Variants in ZNF124 observed in about 807,000 individuals in gnomAD.
The protein encoded by ZNF124 is zinc finger protein 124.
ZNF124 carries 25 observed loss-of-function variants against 26.6 expected under a neutral mutation model. The observed-to-expected ratio is 0.94, with a 90% CI of 0.68 to 1.31. ZNF124 has a LOEUF of 1.31. Among genes scored for constraint, ZNF124 ranks in the 40% most tolerant of loss-of-function variants. ZNF124 has a pLI of 0.00. For synonymous variants in ZNF124, 129 were observed against 133.3 expected (o/e 0.97, Z 0.22); for missense variants, 444 against 422.2 (o/e 1.05, Z -0.45).
chr1:247,123,763 G>T (rs756249113), exon 4 of ZNF124: 1 of 684,248 alleles, frequency 1.5e-6, no homozygotes, highest in Non-Finnish European at 2.7e-6. Context: ...GCTTGCAGAG[G>T]TGCATGGGCT....
chr1:247,150,807 T>A (rs1672911855), downstream of ZNF124, among the ~76,000 whole-genome samples: 1 of 151,576 alleles, frequency 6.6e-6, no homozygotes, highest in Non-Finnish European at 1.5e-5. Flanking sequence ...TAAATATACA[T>A]CCTCATTTAA....
rs1672578750 is a variant in ZNF124, at chr1:247,139,790, AT to A, written c.219-15920del. Among the ~76,000 whole-genome samples the A allele has an allele frequency of 4.6e-5, 7 of 151,990 alleles. No individual in the cohort carries two copies. In the East Asian group the frequency reaches 1.4e-3, roughly 29 times the overall value. On this transcript the variant is annotated intron_variant, in intron 3 of 3. Coordinates refer to the ZNF124 transcript ENST00000472531. ...CTGGGTATGAAATTCTTGGTTGAAG[AT>A]TTTTTTCTTTAAGAATGTTGAATAT...
chr1:247,133,210 C>T (rs1672410823), intron 3 of ZNF124, among the ~76,000 whole-genome samples: 1 of 151,716 alleles, frequency 6.6e-6, no homozygotes, highest in African/African-American at 2.4e-5. Flanking sequence ...GACTGCCTTA[C>T]TGAAATAAGA....
intron 3 of ZNF124, among the ~76,000 whole-genome samples, chr1:247,143,474 C>G (rs1320501095): frequency 6.6e-6 from 1 of 151,998 alleles, no homozygotes; most frequent in Non-Finnish European, 1.5e-5. Context: ...GAAATCCTGC[C>G]CTCTCTTAAT....
In ZNF124 at chr1:247,139,893, G is replaced by T. The variant is rs190210647; in HGVS notation, c.219-16022C>A. 3.4e-4 allele frequency among the ~76,000 whole-genome samples: 52 copies of T among 152,266 alleles called. 1 individual carries two copies. The highest frequency in any genetic ancestry group is 1.6e-4 in the Non-Finnish European group (11 of 68,026). On this transcript the variant is annotated intron_variant, in intron 3 of 3. Transcript: ENST00000472531. ...TAGCCTGATGGGGTGACCTTTGTAG[G>T]TGACCTGCCCTGTATAGCTGCCTTT...
At chr1:247,166,577 A>G (rs1673791810) in intron 1 of ZNF124, among the ~76,000 whole-genome samples, 1 of 152,236 alleles carries the variant, frequency 6.6e-6, no homozygotes, top group Non-Finnish European at 1.5e-5. Flanking sequence ...ATATACAATA[A>G]GAGTAAAACA....
At position 247,167,825 on chromosome 1, in the gene ZNF124, A is replaced by T. The variant is rs1673868543; in HGVS notation, c.30+4023T>A. 2.0e-5 allele frequency among the ~76,000 whole-genome samples: 3 copies of T among 152,226 alleles called. No homozygotes were observed. In the East Asian group the frequency reaches 5.8e-4, roughly 29 times the overall value. On this transcript the variant is annotated intron_variant, in intron 1 of 3. Coordinates refer to ENST00000543802, the MANE Select transcript of ZNF124 (RefSeq NM_001297568.2). ...ATCTTCACCAACTATGCATCCTACAAAGGACTAATATCCAGAATTCACAAA... is the reference window on the plus strand; with the variant it reads ...ATCTTCACCAACTATGCATCCTACATAGGACTAATATCCAGAATTCACAAA...
downstream of ZNF124, among the ~76,000 whole-genome samples, chr1:247,154,108 C>CAT (rs572612968): frequency 8.3e-6 from 1 of 120,856 alleles, no homozygotes; most frequent in East Asian, 2.0e-4. Flanking sequence ...CTTGTACACG[C>CAT]ATATGTGTGA....
exon 4 of ZNF124, chr1:247,122,568 T>G (rs1672106682): frequency 6.6e-6 from 1 of 152,022 alleles, no homozygotes; most frequent in South Asian, 2.1e-4. Flanking sequence ...AAAAGTGAGG[T>G]CTCCCTATGT....
At chr1:247,148,569 C>A (rs914765187) in intron 3 of ZNF124, among the ~76,000 whole-genome samples, 2 of 152,184 alleles carry the variant, frequency 1.3e-5, no homozygotes, top group African/African-American at 4.8e-5. Context: ...CTGTTCCCCA[C>A]GTCCACTCCA....
intron 3 of ZNF124, among the ~76,000 whole-genome samples, chr1:247,128,249 A>G (rs528690088): frequency 1.1e-4 from 16 of 151,750 alleles, no homozygotes; most frequent in African/African-American, 3.4e-4. Context: ...CTAGTCCACT[A>G]TAAAAAATTC....
intron 3 of ZNF124, among the ~76,000 whole-genome samples, chr1:247,133,131 C>G (rs917829095): frequency 1.2e-4 from 18 of 151,912 alleles, no homozygotes; most frequent in Non-Finnish European, 2.5e-4. Flanking sequence ...GCTGAATTGA[C>G]CAAGTGGAAG....
intron 1 of ZNF124, among the ~76,000 whole-genome samples, chr1:247,167,632 A>G (rs745868328): frequency 6.6e-6 from 1 of 152,194 alleles, no homozygotes; most frequent in Non-Finnish European, 1.5e-5. Flanking sequence ...AATATATCAA[A>G]AAAACTCTTC....
Position 247,128,111 on chromosome 1 carries a change from CATT to C in ZNF124, c.219-4243_219-4241del, listed in dbSNP as rs942974076. Among the ~76,000 whole-genome samples the C allele has an allele frequency of 6.3e-4, 95 of 151,610 alleles. 1 individual carries two copies. Among genetic ancestry groups the C allele is most frequent in the African/African-American group, 2.2e-3 (91 of 41,170 alleles). ...CCAACTTCCCCTTTCCAATTTACAA[CATT>C]ATTATTTGTTCTTTATTGTGCATTT... On this transcript the variant is annotated intron_variant, in intron 3 of 3. Transcript: ENST00000472531.
At position 247,165,860 on chromosome 1, in the gene ZNF124, C is replaced by T. The variant is rs76260583; in HGVS notation, c.30+5988G>A. ...AACCACGATGAGATACCATCTTATA[C>T]CAGTCATAATGCTGTTACTAAAAAC... On this transcript the variant is annotated intron_variant, in intron 1 of 3. Transcript: ENST00000543802. 5.0e-4 allele frequency among the ~76,000 whole-genome samples: 76 copies of T among 152,210 alleles called. No homozygotes were observed. In the East Asian group the frequency reaches 0.014, roughly 27 times the overall value.
intron 3 of ZNF124, among the ~76,000 whole-genome samples, chr1:247,125,430 CTTTTTTT>C (rs71566695): frequency 2.1e-3 from 91 of 43,278 alleles, no homozygotes; most frequent in East Asian, 4.9e-3. Flanking sequence ...CTGTTTTTGT[CTTTTTTT>C]TTTTTTTTTT....
intron 3 of ZNF124, among the ~76,000 whole-genome samples, chr1:247,148,526 A>C (rs1207664169): frequency 6.6e-6 from 1 of 152,218 alleles, no homozygotes; most frequent in Non-Finnish European, 1.5e-5. Flanking sequence ...ATGGTTCATC[A>C]CACAAATGGA....
intron 1 of ZNF124, among the ~76,000 whole-genome samples, chr1:247,160,740 T>G (rs1438239013): frequency 1.3e-5 from 2 of 152,202 alleles, no homozygotes; most frequent in East Asian, 1.9e-4. Flanking sequence ...CTGATGAGCT[T>G]CCCTGGTAGA....
intron 3 of ZNF124, among the ~76,000 whole-genome samples, chr1:247,134,449 T>C (rs1218796920): frequency 6.6e-6 from 1 of 152,150 alleles, no homozygotes; most frequent in Non-Finnish European, 1.5e-5. Context: ...AGGCAGGGAT[T>C]GCAATCCTAG....
Sources: allele counts gnomAD v4.1 joint callset (sites outside exome capture counted in the v4.1 genomes callset), GRCh38; gene constraint gnomAD v4.1.1; transcripts MANE v1.5; gene names NCBI Gene and HGNC (gene_info 2026-07-23, HGNC 2026-07-21).